The following ULK4 variants were observed in gnomAD, a reference collection of about 807,000 sequenced individuals.
ULK4 encodes unc-51 like kinase 4, also known as inactive serine/threonine-protein kinase ULK4.
In ULK4, 133 loss-of-function variants were observed where a neutral mutation model predicts 160.6. The observed-to-expected ratio is 0.83, with a 90% CI of 0.72 to 0.96. The LOEUF (loss-of-function observed/expected upper bound fraction) is 0.96, where lower values mean the gene tolerates loss of function less well. ULK4 is among the 40% of genes least tolerant of loss of function. The probability of loss-of-function intolerance (pLI) is 0.00; values close to 1 mark genes in which losing one functional copy is unlikely to be tolerated. For synonymous variants in ULK4, 534 were observed against 539.8 expected, an observed-to-expected ratio of 0.99 and a Z score of 0.15; for missense variants, 1,580 against 1,499.5, an observed-to-expected ratio of 1.05 and a Z score of -0.89.
At chr3:41,774,958 A>G (rs111867790) in intron 21 of ULK4, among the ~76,000 whole-genome samples, 33 of 148,280 alleles carry the variant, frequency 2.2e-4, no homozygotes, top group African/African-American at 3.3e-4. Flanking sequence ...CATTCTCAGT[A>G]AACTATTGCA....
At chr3:41,767,851 T>A (rs1480364341) in intron 21 of ULK4, among the ~76,000 whole-genome samples, 1 of 152,130 alleles carries the variant, frequency 6.6e-6, no homozygotes, top group African/African-American at 2.4e-5. Context: ...CTCAAGAAAC[T>A]TACCTCAAAG....
intron 18 of ULK4, among the ~76,000 whole-genome samples, chr3:41,826,993 G>T (rs1230295957): frequency 2.0e-5 from 3 of 150,550 alleles, no homozygotes; most frequent in Non-Finnish European, 4.4e-5. Context: ...CTAGAACTCA[G>T]GATTAAGAAA....
intron 18 of ULK4, among the ~76,000 whole-genome samples, chr3:41,829,896 C>T (rs938263791): frequency 2.7e-5 from 4 of 150,274 alleles, no homozygotes; most frequent in Non-Finnish European, 4.4e-5. Flanking sequence ...GGAACCAACC[C>T]AGATGTCCAA....
chr3:41,542,438 T>C (rs1417691863), intron 32 of ULK4, among the ~76,000 whole-genome samples: 1 of 152,252 alleles, frequency 6.6e-6, no homozygotes, highest in Admixed American at 6.5e-5. Flanking sequence ...CAGTATTTTA[T>C]TGAGGATTTT....
intron 35 of ULK4, among the ~76,000 whole-genome samples, chr3:41,355,634 T>G: frequency 6.6e-6 from 1 of 152,320 alleles, no homozygotes; most frequent in East Asian, 1.9e-4. Context: ...GAAGATATAT[T>G]CTTATACTGC....
At chr3:41,859,969 C>T (rs1401677803) in intron 17 of ULK4, among the ~76,000 whole-genome samples, 2 of 151,724 alleles carry the variant, frequency 1.3e-5, no homozygotes, top group African/African-American at 4.8e-5. Context: ...CCTCTGGCCC[C>T]CAAATTCCTT....
chr3:41,305,772 G>A (rs1205407070), intron 35 of ULK4, among the ~76,000 whole-genome samples: 1 of 150,480 alleles, frequency 6.6e-6, no homozygotes, highest in African/African-American at 2.5e-5. Flanking sequence ...CCTAGGAAGT[G>A]AGGAGCACCT....
intron 35 of ULK4, among the ~76,000 whole-genome samples, chr3:41,306,484 GC>G (rs1400366459): frequency 6.9e-6 from 1 of 144,636 alleles, no homozygotes; most frequent in African/African-American, 2.6e-5. Context: ...GGGGGGGTCA[GC>G]CCCCCGCCCG....
At chr3:41,900,580 T>G (rs1438007379) in intron 13 of ULK4, 145 bp downstream of exon 13, 2 of 643,380 alleles carry the variant, frequency 3.1e-6, no homozygotes, top group Admixed American at 6.1e-5. Context: ...GAGCTGCAAA[T>G]GCAGACATGC....
At chr3:41,775,399 CTTT>C (rs544345466) in intron 21 of ULK4, among the ~76,000 whole-genome samples, 2 of 138,848 alleles carry the variant, frequency 1.4e-5, no homozygotes, top group African/African-American at 5.5e-5. Flanking sequence ...GTGACAACTC[CTTT>C]TTTTTTTTTT....
chr3:41,801,873 A>T (rs193213386), intron 19 of ULK4, among the ~76,000 whole-genome samples: 2 of 152,114 alleles, frequency 1.3e-5, no homozygotes, highest in African/African-American at 4.8e-5. Flanking sequence ...AAAATAAAAT[A>T]AAAAGAAAAG....
chr3:41,463,145 A>G lies in ULK4; in HGVS notation c.3335T>C (p.Leu1112Pro). Residue 1112 changes from leucine (L) to proline (P), a missense_variant, in exon 33 of 37, where the codon CTT becomes CCT. Leu to Pro is a moderately conservative substitution (Grantham distance 98). Coordinates refer to ENST00000301831, the MANE Select transcript of ULK4 (RefSeq NM_017886.4). ...GGTCAGCATGCTGTGCAAAATATCA[A>G]GCAGGGAAAAGAGCAGTGGAGCTGC... ...EMAAPLLFSL[L>P]DILHSMLTYT... is the part of the protein sequence containing the mutation. 1 of 1,613,846 alleles carries G rather than the reference A, an allele frequency of 6.2e-7. No individual in the cohort carries two copies. Among genetic ancestry groups the G allele is most frequent in the Non-Finnish European group, 8.5e-7 (1 of 1,179,798 alleles).
intron 32 of ULK4, among the ~76,000 whole-genome samples, chr3:41,557,176 C>G (rs970420591): frequency 4.6e-5 from 7 of 151,936 alleles, no homozygotes; most frequent in Non-Finnish European, 1.0e-4. Flanking sequence ...TGTCATTATT[C>G]CTGATTACAA....
intron 4 of ULK4, among the ~76,000 whole-genome samples, chr3:41,935,225 T>A (rs141971648): frequency 3.6e-3 from 19 of 5,344 alleles, no homozygotes; most frequent in Non-Finnish European, 0.022. Flanking sequence ...TTTTTTTTTT[T>A]TTTTTTTTTT....
intron 19 of ULK4, among the ~76,000 whole-genome samples, chr3:41,807,638 G>A (rs55916959): frequency 0.12 from 18,862 of 152,160 alleles, 1,351 homozygotes; most frequent in Middle Eastern, 0.27. Context: ...AGCATGAAAA[G>A]TAGTAAATTC....
intron 32 of ULK4, among the ~76,000 whole-genome samples, chr3:41,512,120 G>C (rs984042320): frequency 6.6e-6 from 1 of 152,052 alleles, no homozygotes; most frequent in South Asian, 2.1e-4. Flanking sequence ...GCATAGAAGG[G>C]ACATACCTTA....
chr3:41,251,790 G>A (rs2078747532), intron 35 of ULK4, among the ~76,000 whole-genome samples: 1 of 152,174 alleles, frequency 6.6e-6, no homozygotes, highest in African/African-American at 2.4e-5. Context: ...GTTTGGCCTG[G>A]ATGTTGCATA....
At chr3:41,896,712 T>C (rs775109928) in intron 15 of ULK4, 110 bp downstream of exon 15, 24 of 1,253,904 alleles carry the variant, frequency 1.9e-5, no homozygotes, top group Non-Finnish European at 2.5e-5. Flanking sequence ...CCTAAAATCG[T>C]GATAAATCAG....
chr3:41,450,606 T>C lies in ULK4; in HGVS notation c.3492+4891A>G, dbSNP rs139049755. ...TTTAGGCCAAGTGCTTCCAAAATTA[T>C]CCAAGTCAGATGAAAACTGAAAGTG... On this transcript the variant is annotated intron_variant, in intron 34 of 36. Coordinates refer to ENST00000301831, the MANE Select transcript of ULK4 (RefSeq NM_017886.4). Among the ~76,000 whole-genome samples the C allele has an allele frequency of 4.4e-3, 673 of 152,338 alleles. 4 individuals carry two copies. Among genetic ancestry groups the C allele is most frequent in the African/African-American group, 0.016 (646 of 41,584 alleles).
Sources: allele counts gnomAD v4.1 joint callset (sites outside exome capture counted in the v4.1 genomes callset), GRCh38; gene constraint gnomAD v4.1.1; transcripts MANE v1.5; gene names NCBI Gene and HGNC (gene_info 2026-07-23, HGNC 2026-07-21).